The following DLC1 variants were observed in gnomAD, a reference collection of about 807,000 sequenced individuals.
DLC1 encodes the protein rho GTPase-activating protein 7.
In DLC1, 54 loss-of-function variants were observed where a neutral mutation model predicts 140.3. The observed-to-expected ratio is 0.38, with a 90% CI of 0.31 to 0.48. The LOEUF is 0.48. Among genes scored for constraint, DLC1 ranks in the 20% least tolerant of loss-of-function variants. The pLI, the probability that DLC1 is intolerant of heterozygous loss-of-function variation, is 0.96. For missense variants in DLC1, 2,536 were observed against 1,907.0 expected (o/e 1.33, Z -6.14); for synonymous variants, 986 against 728.1 (o/e 1.35, Z -5.70).
intron 4 of DLC1, among the ~76,000 whole-genome samples, chr8:13,366,278 A>T (rs1008140522): frequency 1.7e-4 from 26 of 152,252 alleles, no homozygotes; most frequent in South Asian, 1.5e-3. Flanking sequence ...CTGGATTGTA[A>T]TCTACTTTAA....
At chr8:13,539,750 ATGTGTGTGTGTG>A (rs71207162) in intron 1 of DLC1, among the ~76,000 whole-genome samples, 2 of 147,176 alleles carry the variant, frequency 1.4e-5, no homozygotes, top group African/African-American at 5.1e-5. Context: ...ATGTGTGTGT[ATGTGTGTGTGTG>A]TGTGTGTGTG....
At chr8:13,557,216 T>C (rs1177309935) in intron 1 of DLC1, among the ~76,000 whole-genome samples, 1 of 149,668 alleles carries the variant, frequency 6.7e-6, no homozygotes, top group African/African-American at 2.5e-5. Context: ...ACATTTCACT[T>C]TTTTTTTTAT....
intron 2 of DLC1, among the ~76,000 whole-genome samples, chr8:13,432,778 C>G (rs1165176860): frequency 6.6e-6 from 1 of 152,036 alleles, no homozygotes; most frequent in Non-Finnish European, 1.5e-5. Flanking sequence ...AAGACAGAGT[C>G]ACATGAAGTC....
chr8:13,532,974 T>G (rs1803151148), intron 1 of DLC1, among the ~76,000 whole-genome samples: 1 of 152,212 alleles, frequency 6.6e-6, no homozygotes, highest in African/African-American at 2.4e-5. Context: ...TTTAGTTATA[T>G]TCAAGTTGTT....
chr8:13,138,010 C>G (rs1395809975), intron 5 of DLC1, among the ~76,000 whole-genome samples: 1 of 152,188 alleles, frequency 6.6e-6, no homozygotes, highest in Non-Finnish European at 1.5e-5. Context: ...TAGTTAACTC[C>G]TAAACTGCAT....
chr8:13,299,584 G>A (rs2117496723), intron 5 of DLC1, among the ~76,000 whole-genome samples: 1 of 149,960 alleles, frequency 6.7e-6, no homozygotes, highest in East Asian at 2.0e-4. Context: ...GGCAGAAGAT[G>A]AAAGCAGAGA....
chr8:13,277,245 C>T (rs1831209471), intron 5 of DLC1, among the ~76,000 whole-genome samples: 1 of 152,118 alleles, frequency 6.6e-6, no homozygotes, highest in African/African-American at 2.4e-5. Context: ...CCAGGAGTTC[C>T]AGGCTGCAGT....
intron 1 of DLC1, among the ~76,000 whole-genome samples, chr8:13,573,377 G>A (rs780897305): frequency 6.6e-6 from 1 of 152,130 alleles, no homozygotes; most frequent in African/African-American, 2.4e-5. Flanking sequence ...ATTCTTTAGG[G>A]TTTTCTAGGT....
chr8:13,187,023 T>G (rs937443916), intron 5 of DLC1, among the ~76,000 whole-genome samples: 1 of 152,146 alleles, frequency 6.6e-6, no homozygotes, highest in Admixed American at 6.5e-5. Flanking sequence ...AAATATTGCT[T>G]CCTGATCCTT....
At chr8:13,097,763 G>A (rs900433289) in intron 10 of DLC1, among the ~76,000 whole-genome samples, 12 of 152,098 alleles carry the variant, frequency 7.9e-5, no homozygotes, top group Non-Finnish European at 1.2e-4. Flanking sequence ...CGTGATGCAA[G>A]AGTAATGCAT....
At chr8:13,090,809 C>CTTTTT (rs34506663) in intron 14 of DLC1, among the ~76,000 whole-genome samples, 3 of 140,658 alleles carry the variant, frequency 2.1e-5, no homozygotes, top group Non-Finnish European at 3.1e-5. Flanking sequence ...TTCTTTCTTT[C>CTTTTT]TTTTTTTTTT....
intron 5 of DLC1, among the ~76,000 whole-genome samples, chr8:13,170,662 G>T (rs1420120798): frequency 6.6e-6 from 1 of 150,826 alleles, no homozygotes; most frequent in Non-Finnish European, 1.5e-5. Context: ...CCCGGGAGGC[G>T]GAGCTTGCAG....
intron 1 of DLC1, among the ~76,000 whole-genome samples, chr8:13,523,828 C>G (rs1057088001): frequency 9.9e-5 from 15 of 150,916 alleles, no homozygotes; most frequent in African/African-American, 3.4e-4. Context: ...GGAAGAATAA[C>G]AGTATATTTG....
At chr8:13,417,488 A>G (rs10097512) in intron 2 of DLC1, among the ~76,000 whole-genome samples, 84,099 of 149,974 alleles carry the variant, frequency 0.56, 24,490 homozygotes, top group Non-Finnish European at 0.66. Flanking sequence ...GCTATAGTTT[A>G]CTGAGAATGA....
At chr8:13,456,048 TA>T (rs1365733343) in intron 2 of DLC1, among the ~76,000 whole-genome samples, 6 of 152,296 alleles carry the variant, frequency 3.9e-5, no homozygotes, top group Middle Eastern at 6.8e-3. Flanking sequence ...TCTAAAGAAT[TA>T]AAAAGCTTTG....
chr8:13,356,351 A>G (rs535390733), intron 4 of DLC1, among the ~76,000 whole-genome samples: 51 of 152,308 alleles, frequency 3.3e-4, no homozygotes, highest in African/African-American at 1.2e-3. Flanking sequence ...CTTAAATAGC[A>G]TAAGTTGTCC....
rs966431545 is a variant in DLC1, at chr8:13,333,363, C to T, written c.1315-28061G>A. Among the ~76,000 whole-genome samples the T allele has an allele frequency of 6.6e-5, 10 of 152,266 alleles. 1 individual carries two copies. In the South Asian group the frequency reaches 8.3e-4, roughly 13 times the overall value. ...ACCTCAGCCTCCCGAGTAGCTGAGA[C>T]TACACCTGAGCACCACCGTGCCTGG... On this transcript the variant is annotated intron_variant, in intron 4 of 17. Transcript: ENST00000276297.
chr8:13,188,510 G>A (rs1414395263), intron 5 of DLC1, among the ~76,000 whole-genome samples: 1 of 148,036 alleles, frequency 6.8e-6, no homozygotes, highest in Non-Finnish European at 1.5e-5. Context: ...ACTTTCTATA[G>A]TATTGGAGAT....
chr8:13,496,775 T>C (rs1252854487), intron 2 of DLC1, among the ~76,000 whole-genome samples: 1 of 139,512 alleles, frequency 7.2e-6, no homozygotes, highest in African/African-American at 2.6e-5. Context: ...AACAAATTCT[T>C]AGACCATTTC....
Sources: allele counts gnomAD v4.1 joint callset (sites outside exome capture counted in the v4.1 genomes callset), GRCh38; gene constraint gnomAD v4.1.1; transcripts MANE v1.5; gene names NCBI Gene and HGNC (gene_info 2026-07-23, HGNC 2026-07-21).